ITGA9: variants seen among roughly 807,000 people sequenced by gnomAD.
ITGA9 encodes the protein integrin subunit alpha 9.
ITGA9 carries 56 observed loss-of-function variants against 127.8 expected under a neutral mutation model. The ratio of observed to expected loss-of-function variants is 0.44; its 90% CI spans 0.35 to 0.55. The LOEUF is 0.55. Ranked by LOEUF, ITGA9 falls within the 20% of genes least tolerant of loss-of-function variation. ITGA9 has a pLI of 0.00. For missense variants in ITGA9, 1,196 were observed against 1,347.1 expected (o/e 0.89, Z 1.76); for synonymous variants, 508 against 514.5 (o/e 0.99, Z 0.17).
intron 15 of ITGA9, among the ~76,000 whole-genome samples, chr3:37,599,186 A>G (rs1407109578): frequency 6.6e-6 from 1 of 152,156 alleles, no homozygotes; most frequent in Non-Finnish European, 1.5e-5. Context: ...ACCTTCCTCA[A>G]ATTTAATGGC....
At chr3:37,717,140 A>G (rs1169424949) in intron 18 of ITGA9, among the ~76,000 whole-genome samples, 2 of 152,214 alleles carry the variant, frequency 1.3e-5, no homozygotes, top group African/African-American at 4.8e-5. Flanking sequence ...ATTACTTTAC[A>G]TCTGATATTT....
Position 37,780,080 on chromosome 3 carries a change from C to G in ITGA9, c.2787+59C>G. The G allele has an allele frequency of 1.9e-6, 3 of 1,602,786 alleles. No homozygotes were observed. The South Asian group carries it at 3.3e-5, about 18-fold the overall frequency. On this transcript the variant is annotated intron_variant, in intron 25 of 27. Coordinates refer to ENST00000264741, the MANE Select transcript of ITGA9 (RefSeq NM_002207.3). ...TTAGAAGCATTTGAATTGTTGACAT[C>G]TGATTTTGGGTAAAAAAAAGGAAAA...
chr3:37,612,967 T>A (rs971434262), intron 15 of ITGA9, among the ~76,000 whole-genome samples: 1 of 152,062 alleles, frequency 6.6e-6, no homozygotes, highest in Non-Finnish European at 1.5e-5. Flanking sequence ...TTCTTTTTTT[T>A]TTTTTTTAAT....
intron 15 of ITGA9, among the ~76,000 whole-genome samples, chr3:37,564,934 G>A (rs573902455): frequency 1.3e-5 from 2 of 152,342 alleles, no homozygotes; most frequent in African/African-American, 4.8e-5. Flanking sequence ...TAAAAGCAGA[G>A]GTGAGGTTAA....
intron 16 of ITGA9, among the ~76,000 whole-genome samples, chr3:37,634,637 C>T (rs946101983): frequency 9.2e-5 from 14 of 152,092 alleles, no homozygotes; most frequent in African/African-American, 1.7e-4. Context: ...AGATAGATTG[C>T]AGTACATTAA....
rs759452375 is a variant in ITGA9 at position 37,785,082 on chromosome 3, A to T, written c.2889+4A>T. On this transcript the variant is annotated splice_donor_region_variant and intron_variant, in intron 26 of 27. Coordinates refer to ENST00000264741, the MANE Select transcript of ITGA9 (RefSeq NM_002207.3). ...TGGGAACCCAGAAGAGGTGACGGTG[A>T]GTCAGCCACCCCAGGACAGCCCTCC... 3 of 1,603,062 alleles carry T rather than the reference A, an allele frequency of 1.9e-6. No homozygotes were observed. The highest frequency in any genetic ancestry group is 2.6e-6 in the Non-Finnish European group (3 of 1,169,922).
intron 13 of ITGA9, among the ~76,000 whole-genome samples, chr3:37,528,447 A>G (rs774058056): frequency 5.3e-5 from 8 of 152,174 alleles, no homozygotes; most frequent in Non-Finnish European, 1.0e-4. Context: ...CCCTGCCCTG[A>G]ATAAGAGCAT....
chr3:37,471,446 G>T (rs1438969135), intron 2 of ITGA9, among the ~76,000 whole-genome samples: 1 of 152,164 alleles, frequency 6.6e-6, no homozygotes, highest in African/African-American at 2.4e-5. Flanking sequence ...AGATAGGAGG[G>T]TCAAGAAAGG....
At chr3:37,538,674 A>G (rs1403190348) in intron 14 of ITGA9, among the ~76,000 whole-genome samples, 1 of 151,778 alleles carries the variant, frequency 6.6e-6, no homozygotes, top group Non-Finnish European at 1.5e-5. Flanking sequence ...TTCCCTTTCC[A>G]CCAGACCCTT....
At chr3:37,691,024 G>A (rs1429868077) in intron 18 of ITGA9, among the ~76,000 whole-genome samples, 1 of 152,180 alleles carries the variant, frequency 6.6e-6, no homozygotes, top group Admixed American at 6.5e-5. Flanking sequence ...CAAGAATTGA[G>A]GTCTCCTGGG....
chr3:37,606,025 A>G (rs752515631), intron 15 of ITGA9, among the ~76,000 whole-genome samples: 1 of 152,228 alleles, frequency 6.6e-6, no homozygotes, highest in Admixed American at 6.5e-5. Flanking sequence ...AGAAGGCCAC[A>G]TGCTCTCAGC....
At chr3:37,530,488 C>T (rs1699138810) in intron 13 of ITGA9, among the ~76,000 whole-genome samples, 1 of 152,134 alleles carries the variant, frequency 6.6e-6, no homozygotes, top group African/African-American at 2.4e-5. Flanking sequence ...ACTATATGAC[C>T]TCAAATTAGC....
At chr3:37,622,152 TC>T (rs1553652075) in intron 15 of ITGA9, among the ~76,000 whole-genome samples, 2 of 150,544 alleles carry the variant, frequency 1.3e-5, no homozygotes, top group Non-Finnish European at 3.0e-5. Flanking sequence ...TTTTTTTTTT[TC>T]CCCGGCTCAC....
At chr3:37,576,131 G>C (rs1339860111) in intron 15 of ITGA9, among the ~76,000 whole-genome samples, 1 of 152,156 alleles carries the variant, frequency 6.6e-6, no homozygotes, top group Non-Finnish European at 1.5e-5. Flanking sequence ...AGACACAGGG[G>C]TAAACAGGTC....
chr3:37,803,046 G>A (rs1367076708), intron 26 of ITGA9, among the ~76,000 whole-genome samples: 1 of 152,164 alleles, frequency 6.6e-6, no homozygotes, highest in African/African-American at 2.4e-5. Context: ...TAACTCTAGT[G>A]GGGTCCACAG....
At chr3:37,688,393 A>G (rs1700800692) in intron 18 of ITGA9, among the ~76,000 whole-genome samples, 1 of 152,248 alleles carries the variant, frequency 6.6e-6, no homozygotes, top group East Asian at 1.9e-4. Flanking sequence ...AAATATTTAC[A>G]ATAGTAAGCA....
chr3:37,500,389 T>G (rs1183754488), intron 5 of ITGA9, among the ~76,000 whole-genome samples: 1 of 152,204 alleles, frequency 6.6e-6, no homozygotes, highest in Admixed American at 6.5e-5. Context: ...TAAAATGAAG[T>G]GCTCATCAAC....
chr3:37,462,335 T>C (rs1204768270), intron 1 of ITGA9, among the ~76,000 whole-genome samples: 1 of 152,226 alleles, frequency 6.6e-6, no homozygotes, highest in Non-Finnish European at 1.5e-5. Flanking sequence ...ATTCTCTGAC[T>C]TAGCGTTATG....
chr3:37,455,197 A>G (rs531104543), intron 1 of ITGA9, among the ~76,000 whole-genome samples: 50 of 152,338 alleles, frequency 3.3e-4, no homozygotes, highest in African/African-American at 1.2e-3. Context: ...CCTAAGCAGT[A>G]CCTGAGCCCT....
Sources: gnomAD v4.1 joint callset for allele counts (sites outside exome capture counted in the v4.1 genomes callset) on GRCh38, gnomAD v4.1.1 for gene constraint, MANE v1.5 for transcripts, NCBI Gene and HGNC (gene_info 2026-07-23, HGNC 2026-07-21) for gene names.